RUFY1: variants seen among roughly 807,000 people sequenced by gnomAD.
The protein encoded by RUFY1 is RUN and FYVE domain-containing protein 1.
In RUFY1, 54 loss-of-function variants were observed where a neutral mutation model predicts 94.6. That is an observed-to-expected ratio of 0.57 (90% CI 0.46 to 0.72). RUFY1 has a LOEUF of 0.72. RUFY1 is among the 30% of genes least tolerant of loss of function. RUFY1 has a pLI of 0.00. For missense variants in RUFY1, 883 were observed against 883.9 expected (o/e 1.00, Z 0.01); for synonymous variants, 396 against 347.3 (o/e 1.14, Z -1.56).
chr5:179,608,239 AC>A lies in RUFY1; in HGVS notation c.1983+583del, dbSNP rs1344954005. ...AGCTAAAGGAAACACTGCCAGCGCC[AC>A]CCACCTTTCTGCCACAGCCATGTTC... On this transcript the variant is annotated intron_variant, in intron 17 of 17. Coordinates refer to ENST00000319449, the MANE Select transcript of RUFY1 (RefSeq NM_025158.5). 5 of 967,486 alleles carry A rather than the reference AC, an allele frequency of 5.2e-6. No homozygotes were observed. In the East Asian group the frequency reaches 4.6e-4, roughly 88 times the overall value. 59.9% of individuals were successfully genotyped at this position (967,486 alleles called of 1,614,324 possible).
At chr5:179,564,153 C>G (rs1213040040) in intron 3 of RUFY1, among the ~76,000 whole-genome samples, 1 of 136,746 alleles carries the variant, frequency 7.3e-6, no homozygotes, top group African/African-American at 2.7e-5. Flanking sequence ...GAGTTTCGCT[C>G]TTGTTGCCCA....
At chr5:179,575,340 T>G (rs954060378) in intron 5 of RUFY1, among the ~76,000 whole-genome samples, 3 of 151,752 alleles carry the variant, frequency 2.0e-5, no homozygotes, top group Admixed American at 6.6e-5. Context: ...AGACTTGCTC[T>G]CTCCTCGTCT....
chr5:179,550,562 C>T lies in RUFY1; in HGVS notation c.-8C>T, dbSNP rs1261392345. On this transcript the variant is annotated 5_prime_UTR_variant, in exon 1 of 18. In the 5' UTR this introduces an upstream ATG that the reference lacks. Coordinates refer to ENST00000319449, the MANE Select transcript of RUFY1 (RefSeq NM_025158.5). Reference sequence around the variant, plus strand: ...CGCCCGCCCGCTGGGTCACATGACACGGCCAAGATGGCCGACCGGGAAGGC... The same window carrying T: ...CGCCCGCCCGCTGGGTCACATGACATGGCCAAGATGGCCGACCGGGAAGGC... The T allele has an allele frequency of 2.0e-5, 26 of 1,284,638 alleles. No homozygotes were observed. The highest frequency in any genetic ancestry group is 2.6e-5 in the Non-Finnish European group (26 of 1,017,278). 79.6% of individuals were successfully genotyped at this position (1,284,638 alleles called of 1,614,324 possible).
chr5:179,569,505 C>G (rs1447729680), intron 5 of RUFY1, 80 bp downstream of exon 5: 1 of 1,455,398 alleles, frequency 6.9e-7, no homozygotes, highest in Non-Finnish European at 9.6e-7. Context: ...AGGTACTGAA[C>G]CCAAAGAAGG....
intron 8 of RUFY1, chr5:179,586,490 C>G: frequency 2.2e-6 from 1 of 454,742 alleles, no homozygotes; most frequent in South Asian, 1.6e-5. Context: ...CAGTCCCCGG[C>G]TGCCCAGGCC....
At chr5:179,554,275 G>T (rs1407442944) in intron 1 of RUFY1, among the ~76,000 whole-genome samples, 2 of 152,180 alleles carry the variant, frequency 1.3e-5, no homozygotes, top group Non-Finnish European at 2.9e-5. Flanking sequence ...AGTGGCTCAT[G>T]CCTGTAATCC....
At chr5:179,569,018 C>G in intron 4 of RUFY1, 1 of 984,956 alleles carries the variant, frequency 1.0e-6, no homozygotes, top group Non-Finnish European at 1.2e-6. Context: ...GGGAGAGTGA[C>G]AGGAGTCAAG....
Position 179,609,856 on chromosome 5 carries a change from C to A in RUFY1, c.*337C>A. On this transcript the variant is annotated 3_prime_UTR_variant, in exon 18 of 18. Coordinates refer to ENST00000319449, the MANE Select transcript of RUFY1 (RefSeq NM_025158.5). ...TTCAGTTCTGCTAGTGAGTAGTTTT[C>A]CTCTCCTACCTTCCTTCTAAAAACC... The A allele has an allele frequency of 5.0e-6, 1 of 201,930 alleles. No individual in the cohort carries two copies. The highest frequency in any genetic ancestry group is 9.9e-6 in the Non-Finnish European group (1 of 100,530). The allele number at this position is 201,930 out of a possible 1,614,324, so 12.5% of individuals were successfully genotyped here.
chr5:179,575,648 G>A (rs750742274), intron 5 of RUFY1, among the ~76,000 whole-genome samples: 2 of 152,076 alleles, frequency 1.3e-5, no homozygotes, highest in Non-Finnish European at 2.9e-5. Context: ...GATTCCTTTT[G>A]GTAGGTGTGT....
chr5:179,588,907 T>G (rs559051590), intron 8 of RUFY1, among the ~76,000 whole-genome samples: 100 of 152,132 alleles, frequency 6.6e-4, no homozygotes, highest in Admixed American at 2.0e-3. Flanking sequence ...ATTTTTGTGT[T>G]TTTTGTAGAG....
chr5:179,604,529 G>A (rs989864629), intron 15 of RUFY1, among the ~76,000 whole-genome samples: 3 of 151,940 alleles, frequency 2.0e-5, no homozygotes, highest in Non-Finnish European at 4.4e-5. Context: ...GCTGCCTCCC[G>A]ATCTTTAGTA....
intron 5 of RUFY1, among the ~76,000 whole-genome samples, chr5:179,573,083 T>G (rs968964115): frequency 2.0e-5 from 3 of 152,232 alleles, no homozygotes; most frequent in Non-Finnish European, 2.9e-5. Context: ...CATTGGTTTA[T>G]TTCTGGACTC....
At chr5:179,581,686 C>CTTT (rs140137888) in intron 7 of RUFY1, among the ~76,000 whole-genome samples, 7 of 141,388 alleles carry the variant, frequency 5.0e-5, no homozygotes, top group African/African-American at 7.8e-5. Flanking sequence ...TTTTACTTTT[C>CTTT]TTTTTTTTTT....
intron 17 of RUFY1, 105 bp from the exon 18 acceptor site, chr5:179,609,271 G>T: frequency 8.5e-6 from 9 of 1,055,432 alleles, no homozygotes; most frequent in Non-Finnish European, 1.2e-5. Flanking sequence ...AGAAACATAA[G>T]AACCCATTCC....
At chr5:179,580,241 G>GTGTGTGTATA (rs149099074) in intron 6 of RUFY1, among the ~76,000 whole-genome samples, 1,064 of 93,810 alleles carry the variant, frequency 0.011, 9 homozygotes, top group African/African-American at 0.033. Flanking sequence ...GTGTGTGTGT[G>GTGTGTGTATA]TATATTTTTT....
intron 5 of RUFY1, among the ~76,000 whole-genome samples, chr5:179,574,152 T>C (rs1763438144): frequency 6.6e-6 from 1 of 151,998 alleles, no homozygotes; most frequent in African/African-American, 2.4e-5. Context: ...CTCCCAGCAC[T>C]TTGGGAGGCC....
chr5:179,580,245 A>ATATTTATATAT (rs59300402), intron 6 of RUFY1, among the ~76,000 whole-genome samples: 1 of 81,684 alleles, frequency 1.2e-5, no homozygotes, highest in Non-Finnish European at 2.5e-5. Context: ...GTGTGTGTAT[A>ATATTTATATAT]TTTTTTTTTT....
At chr5:179,550,934 C>G in intron 1 of RUFY1, 55 bp downstream of exon 1, 1 of 1,028,162 alleles carries the variant, frequency 9.7e-7, no homozygotes, top group Non-Finnish European at 1.2e-6. Flanking sequence ...CGCTGGCCGC[C>G]GGCGCGGGCG....
At chr5:179,559,921 A>T (rs1762309998) in intron 1 of RUFY1, 104 bp from the exon 2 acceptor site, 1 of 1,481,620 alleles carries the variant, frequency 6.7e-7, no homozygotes, top group African/African-American at 1.4e-5. Context: ...TTCCCTAAGC[A>T]GACCGCCTGG....
Sources: gnomAD v4.1 joint callset for allele counts (sites outside exome capture counted in the v4.1 genomes callset) on GRCh38, gnomAD v4.1.1 for gene constraint, MANE v1.5 for transcripts, NCBI Gene and HGNC (gene_info 2026-07-23, HGNC 2026-07-21) for gene names.